The following PPIL6 variants were observed in gnomAD, a reference collection of about 807,000 sequenced individuals.
The protein encoded by PPIL6 is probable inactive peptidyl-prolyl cis-trans isomerase-like 6.
A neutral mutation model predicts 36.8 loss-of-function variants in PPIL6; 39 were observed. The observed-to-expected ratio is 1.06, with a 90% CI of 0.82 to 1.38. PPIL6 has a LOEUF of 1.38. Ranked by LOEUF, PPIL6 falls within the 40% of genes most tolerant of loss-of-function variation. The pLI is 0.00. For missense variants in PPIL6, 368 were observed against 379.1 expected (o/e 0.97, Z 0.24); for synonymous variants, 123 against 134.1 (o/e 0.92, Z 0.57).
In PPIL6 at chr6:109,418,841, C is replaced by T. The variant is rs112927982; in HGVS notation, c.688+346G>A. On this transcript the variant is annotated intron_variant, in intron 6 of 7. Transcript: ENST00000521072. ...ATAGGCGTGAGCCACCATACCTGGC[C>T]ACCTGACAGCAATCTAAATAGAATG... is the stretch of plus-strand genomic sequence containing the variant. 1.4e-3 allele frequency among the ~76,000 whole-genome samples: 215 copies of T among 152,222 alleles called. 3 individuals carry two copies. The highest frequency in any genetic ancestry group is 3.7e-3 in the African/African-American group (152 of 41,556).
chr6:109,435,194 T>C (rs1398857232), intron 2 of PPIL6, among the ~76,000 whole-genome samples: 1 of 152,082 alleles, frequency 6.6e-6, no homozygotes, highest in Admixed American at 6.6e-5. Context: ...GTATAAGTGA[T>C]GTGCAGGGAG....
At chr6:109,398,419 T>C (rs1035088759) in intron 7 of PPIL6, among the ~76,000 whole-genome samples, 3 of 152,230 alleles carry the variant, frequency 2.0e-5, no homozygotes, top group Non-Finnish European at 4.4e-5. Context: ...TGGCATGACA[T>C]TCCAGGTGCT....
intron 6 of PPIL6, among the ~76,000 whole-genome samples, chr6:109,403,780 T>G (rs1475112703): frequency 6.6e-6 from 1 of 152,240 alleles, no homozygotes; most frequent in East Asian, 1.9e-4. Context: ...ATTTTTGTGT[T>G]AAGCTTAACA....
chr6:109,438,484 A>G (rs968457661), intron 1 of PPIL6, among the ~76,000 whole-genome samples: 31 of 152,160 alleles, frequency 2.0e-4, no homozygotes, highest in African/African-American at 6.5e-4. Flanking sequence ...AAAGTTTAAG[A>G]AAGGGAAAAT....
chr6:109,405,080 T>A (rs1270940565), intron 6 of PPIL6: 3 of 393,208 alleles, frequency 7.6e-6, no homozygotes, highest in African/African-American at 6.6e-5. Context: ...AGATATCTTT[T>A]CATAACCTTT....
chr6:109,420,043 AT>A lies in PPIL6; in HGVS notation c.632-801del, dbSNP rs763962655. ...AAAGTAAGTTATTTTTAGAATATGT[AT>A]AAAAAATAGAGCCAGGCGCGGTGAC... On this transcript the variant is annotated intron_variant, in intron 5 of 7. Transcript: ENST00000521072. Among the ~76,000 whole-genome samples, 7 of 152,152 alleles carry A rather than the reference AT, an allele frequency of 4.6e-5. No homozygotes were observed. The East Asian group carries it at 1.4e-3, about 30-fold the overall frequency.
At position 109,392,708 on chromosome 6, in the gene PPIL6, C is replaced by G. The variant is rs924537518; in HGVS notation, c.*118G>C. 5 of 600,400 alleles carry G rather than the reference C, an allele frequency of 8.3e-6. No homozygotes were observed. The highest frequency in any genetic ancestry group is 6.0e-5 in the East Asian group (2 of 33,526). 37.2% of individuals were successfully genotyped at this position (600,400 alleles called of 1,614,324 possible). On this transcript the variant is annotated 3_prime_UTR_variant, in exon 8 of 8. Coordinates refer to ENST00000521072, the MANE Select transcript of PPIL6 (RefSeq NM_173672.5). The stretch of plus-strand genomic sequence containing the variant: ...GAGGGATTGGGTGTAGATGAGGCAA[C>G]CTACAGTGTCTGCCACGGCTTTCAA...
intron 6 of PPIL6, among the ~76,000 whole-genome samples, chr6:109,414,910 A>T (rs1284034416): frequency 6.6e-6 from 1 of 152,252 alleles, no homozygotes; most frequent in Non-Finnish European, 1.5e-5. Flanking sequence ...GGTGTGTTAC[A>T]TGTATTGTAT....
intron 5 of PPIL6, among the ~76,000 whole-genome samples, chr6:109,420,332 CAAAAAAA>C (rs564751735): frequency 2.2e-4 from 11 of 50,958 alleles, no homozygotes; most frequent in South Asian, 1.5e-3. Context: ...GACTCCATCT[CAAAAAAA>C]AAAAAAAAAA....
chr6:109,412,961 C>T (rs1773079587), intron 6 of PPIL6, among the ~76,000 whole-genome samples: 1 of 152,002 alleles, frequency 6.6e-6, no homozygotes, highest in African/African-American at 2.4e-5. Flanking sequence ...AGTTCAAGAC[C>T]AGCCTGGCCA....
chr6:109,421,136 C>T (rs973320180), intron 5 of PPIL6, among the ~76,000 whole-genome samples: 1 of 152,176 alleles, frequency 6.6e-6, no homozygotes, highest in African/African-American at 2.4e-5. Flanking sequence ...CATTCCCTTG[C>T]CCCCTCCCTC....
intron 3 of PPIL6, among the ~76,000 whole-genome samples, chr6:109,430,541 T>C (rs1285051579): frequency 1.3e-5 from 2 of 152,012 alleles, no homozygotes; most frequent in African/African-American, 2.4e-5. Flanking sequence ...ATTCTCCTGC[T>C]TCAGCCTCCC....
At position 109,402,315 on chromosome 6, in the gene PPIL6, C is replaced by T. The variant is rs571442457; in HGVS notation, c.689-2145G>A. On this transcript the variant is annotated intron_variant, in intron 6 of 7. Coordinates refer to ENST00000521072, the MANE Select transcript of PPIL6 (RefSeq NM_173672.5). Reference sequence around the variant, plus strand: ...CTTTGGGAGGCCAAGGTGGGTGGGTCGCTTGAGGCCAGGAGTTCGAGACCA... The same window carrying T: ...CTTTGGGAGGCCAAGGTGGGTGGGTTGCTTGAGGCCAGGAGTTCGAGACCA... 2.6e-5 allele frequency among the ~76,000 whole-genome samples: 4 copies of T among 152,110 alleles called. No homozygotes were observed. The South Asian group carries it at 6.2e-4, about 24-fold the overall frequency.
chr6:109,435,504 G>T (rs1303040229), intron 2 of PPIL6, among the ~76,000 whole-genome samples: 1 of 152,074 alleles, frequency 6.6e-6, no homozygotes, highest in Non-Finnish European at 1.5e-5. Flanking sequence ...CACCACGTTG[G>T]CCAGGATGGT....
At chr6:109,440,279 T>A (rs1312989040) in intron 1 of PPIL6, 177 bp downstream of exon 1, 2 of 787,370 alleles carry the variant, frequency 2.5e-6, no homozygotes, top group Admixed American at 4.1e-5. Context: ...CTTGCCCCCC[T>A]ATACTCTCCT....
intron 5 of PPIL6, among the ~76,000 whole-genome samples, chr6:109,421,809 T>A (rs1773555265): frequency 6.6e-6 from 1 of 151,890 alleles, no homozygotes; most frequent in South Asian, 2.1e-4. Flanking sequence ...GAGGCCGAGG[T>A]GGGAGGGTTA....
chr6:109,420,775 A>G lies in PPIL6; in HGVS notation c.632-1532T>C, dbSNP rs567719450. 2.6e-5 allele frequency among the ~76,000 whole-genome samples: 4 copies of G among 152,328 alleles called. No homozygotes were observed. In the East Asian group the frequency reaches 7.7e-4, roughly 29 times the overall value. ...CAGTATGAGCAATTTACCTACAATA[A>G]AAGTGTGTGTGCTATTTTTCAAAGA... On this transcript the variant is annotated intron_variant, in intron 5 of 7. Transcript: ENST00000521072.
At chr6:109,429,730 T>A (rs1582589489) in intron 3 of PPIL6, among the ~76,000 whole-genome samples, 1 of 152,224 alleles carries the variant, frequency 6.6e-6, no homozygotes, top group South Asian at 2.1e-4. Flanking sequence ...TGGCAGCACA[T>A]CCCTGCAGTG....
chr6:109,418,271 C>T (rs1326908872), intron 6 of PPIL6: 2 of 152,884 alleles, frequency 1.3e-5, no homozygotes, highest in African/African-American at 4.8e-5. Flanking sequence ...AGATCAGTTT[C>T]GAGAGTACAC....
Sources: gnomAD v4.1 joint callset for allele counts (sites outside exome capture counted in the v4.1 genomes callset) on GRCh38, gnomAD v4.1.1 for gene constraint, MANE v1.5 for transcripts, NCBI Gene and HGNC (gene_info 2026-07-23, HGNC 2026-07-21) for gene names.